EML4: variants seen among roughly 807,000 people sequenced by gnomAD.
EML4 encodes EMAP like 4.
A neutral mutation model predicts 129.0 loss-of-function variants in EML4; 72 were observed. The observed-to-expected ratio is 0.56, with a 90% CI of 0.46 to 0.68. The LOEUF is 0.68. EML4 is among the 30% of genes least tolerant of loss of function. EML4 has a pLI of 0.00. For missense variants in EML4, 1,363 were observed against 1,190.6 expected (o/e 1.14, Z -2.13); for synonymous variants, 532 against 405.0 (o/e 1.31, Z -3.77).
intron 6 of EML4, among the ~76,000 whole-genome samples, chr2:42,270,890 C>G (rs1340080084): frequency 6.6e-6 from 1 of 152,052 alleles, no homozygotes; most frequent in Non-Finnish European, 1.5e-5. Context: ...ATTCTAAAAC[C>G]TATGTATTTT....
intron 11 of EML4, among the ~76,000 whole-genome samples, chr2:42,294,921 A>T (rs548590493): frequency 2.0e-5 from 3 of 152,162 alleles, no homozygotes; most frequent in Non-Finnish European, 4.4e-5. Flanking sequence ...AATAGCATAA[A>T]AGGTGATACG....
chr2:42,287,887 G>C (rs1667397809), intron 10 of EML4, among the ~76,000 whole-genome samples: 1 of 152,082 alleles, frequency 6.6e-6, no homozygotes, highest in Admixed American at 6.6e-5. Flanking sequence ...AGGAAAAATA[G>C]CTTAATACAG....
chr2:42,292,941 T>C (rs1667734360), intron 11 of EML4, among the ~76,000 whole-genome samples: 1 of 152,174 alleles, frequency 6.6e-6, no homozygotes, highest in Non-Finnish European at 1.5e-5. Context: ...TAATTTGGCC[T>C]AAGATTTAAC....
chr2:42,292,614 A>G (rs1667711087), intron 11 of EML4, among the ~76,000 whole-genome samples: 1 of 152,180 alleles, frequency 6.6e-6, no homozygotes, highest in Non-Finnish European at 1.5e-5. Flanking sequence ...GAGGAAGGGG[A>G]TAGTGACTGG....
At chr2:42,203,397 G>GATA (rs1672350538) in intron 1 of EML4, among the ~76,000 whole-genome samples, 1 of 152,124 alleles carries the variant, frequency 6.6e-6, no homozygotes, top group Non-Finnish European at 1.5e-5. Flanking sequence ...AATACTCTAT[G>GATA]ATAGAGTTTT....
rs1425112694 is a variant in EML4, at chr2:42,181,820, G to A, written c.25+12184G>A. ...CCTAGAATCAGCCATTTTTGCCAAG[G>A]AGCCCTAGTTCTTTTATGGAGAAAG... On this transcript the variant is annotated intron_variant, in intron 1 of 22. Coordinates refer to ENST00000318522, the MANE Select transcript of EML4 (RefSeq NM_019063.5). 4.6e-5 allele frequency among the ~76,000 whole-genome samples: 7 copies of A among 152,064 alleles called. No individual in the cohort carries two copies. The South Asian group carries it at 1.5e-3, about 32-fold the overall frequency.
chr2:42,320,252 G>C (rs1188045263), intron 19 of EML4, among the ~76,000 whole-genome samples: 1 of 151,876 alleles, frequency 6.6e-6, no homozygotes, highest in African/African-American at 2.4e-5. Flanking sequence ...ACTTTGGGAG[G>C]CCAAGATGGG....
Position 42,284,621 on chromosome 2 carries a change from T to TA in EML4, c.942-12dup. 6.3e-7 allele frequency: 1 copy of TA among 1,599,028 alleles called. No homozygotes were observed. The highest frequency in any genetic ancestry group is 8.6e-7 in the Non-Finnish European group (1 of 1,168,344). On this transcript the variant is annotated splice_polypyrimidine_tract_variant and intron_variant, in intron 8 of 22. Transcript: ENST00000318522. ...TTCCTGTGTTTAAAATCATTCTTAA[T>TA]ACTGCTTTTTAGCCTTGCTATACAT...
At chr2:42,301,528 T>A in intron 14 of EML4, 136 bp downstream of exon 14, 1 of 644,826 alleles carries the variant, frequency 1.6e-6, no homozygotes, top group Non-Finnish European at 2.4e-6. Flanking sequence ...AAGAAAGGAG[T>A]TTGTTGTTGC....
At chr2:42,284,776 C>A (rs1161137502) in intron 9 of EML4, 73 bp downstream of exon 9, 3 of 1,090,270 alleles carry the variant, frequency 2.8e-6, no homozygotes, top group South Asian at 1.7e-5. Context: ...GTAATTTTAA[C>A]CACAACTCAT....
At chr2:42,288,425 A>G (rs1382850161) in intron 11 of EML4, 103 bp downstream of exon 11, 2 of 517,548 alleles carry the variant, frequency 3.9e-6, no homozygotes, top group Non-Finnish European at 6.8e-6. Context: ...GTAAGTCGCA[A>G]AAGCAGATCT....
In EML4 at chr2:42,263,361, A is replaced by G. The variant is rs561669407; in HGVS notation, c.641+55A>G. 1.5e-5 allele frequency: 13 copies of G among 841,502 alleles called. No individual in the cohort carries two copies. In the South Asian group the frequency reaches 1.9e-4, roughly 12 times the overall value. The allele number at this position is 841,502 out of a possible 1,614,324, so 52.1% of individuals were successfully genotyped here. A position where few individuals can be genotyped will look rare whatever the true frequency, so the allele number is the denominator to read the frequency against. On this transcript the variant is annotated intron_variant, in intron 5 of 22. Coordinates refer to ENST00000318522, the MANE Select transcript of EML4 (RefSeq NM_019063.5). ...GAAAAGTAATAATTATTTGGCTATT[A>G]TGTTTGCATGTACAGTTATGTATGT... is the stretch of plus-strand genomic sequence containing the variant.
intron 1 of EML4, among the ~76,000 whole-genome samples, chr2:42,243,063 C>T (rs555248700): frequency 6.6e-6 from 1 of 152,284 alleles, no homozygotes; most frequent in East Asian, 1.9e-4. Context: ...CAGTCGTGAC[C>T]TGCCTTGTCC....
intron 1 of EML4, among the ~76,000 whole-genome samples, chr2:42,241,876 G>A (rs1300941973): frequency 6.7e-6 from 1 of 149,872 alleles, no homozygotes. Flanking sequence ...GTGTGTGTCG[G>A]GGGGGGGAAG....
rs568226388 is a variant in EML4 at position 42,297,732 on chromosome 2, G to T, written c.1489+2216G>T. The stretch of plus-strand genomic sequence containing the variant: ...TCCCAACTATGACATTTCTGCACCT[G>T]TGGCAGTCTTACCAACCAAAATTTG... On this transcript the variant is annotated intron_variant, in intron 13 of 22. Coordinates refer to ENST00000318522, the MANE Select transcript of EML4 (RefSeq NM_019063.5). Among the ~76,000 whole-genome samples, 5 of 152,320 alleles carry T rather than the reference G, an allele frequency of 3.3e-5. No individual in the cohort carries two copies. In the East Asian group the frequency reaches 9.6e-4, roughly 29 times the overall value.
intron 1 of EML4, among the ~76,000 whole-genome samples, chr2:42,209,609 A>C (rs1030211022): frequency 6.6e-6 from 1 of 152,192 alleles, no homozygotes; most frequent in Non-Finnish European, 1.5e-5. Context: ...TTTACTTAAT[A>C]ATTTTATTTA....
chr2:42,324,762 A>G (rs2103824177), intron 19 of EML4, among the ~76,000 whole-genome samples: 1 of 152,352 alleles, frequency 6.6e-6, no homozygotes, highest in South Asian at 2.1e-4. Context: ...AGTTTATTGG[A>G]AATGCTTAAG....
intron 1 of EML4, among the ~76,000 whole-genome samples, chr2:42,208,304 A>AT (rs1261528762): frequency 1.3e-5 from 2 of 152,028 alleles, no homozygotes; most frequent in Admixed American, 6.5e-5. Flanking sequence ...TTAGAACCAG[A>AT]TTTTTTTAAA....
chr2:42,244,142 A>G (rs1675228651), intron 1 of EML4, among the ~76,000 whole-genome samples: 1 of 135,206 alleles, frequency 7.4e-6, no homozygotes, highest in Non-Finnish European at 1.5e-5. Flanking sequence ...CTCTGTTGCC[A>G]GGCTGGAGTG....
Sources: allele counts gnomAD v4.1 joint callset (sites outside exome capture counted in the v4.1 genomes callset), GRCh38; gene constraint gnomAD v4.1.1; transcripts MANE v1.5; gene names NCBI Gene and HGNC (gene_info 2026-07-23, HGNC 2026-07-21).